CEP135: variants seen among roughly 807,000 people sequenced by gnomAD.
CEP135 encodes the protein centrosomal protein of 135 kDa.
In CEP135, 142 loss-of-function variants were observed where a neutral mutation model predicts 157.3. The ratio of observed to expected loss-of-function variants is 0.90; its 90% CI spans 0.79 to 1.04. The LOEUF (loss-of-function observed/expected upper bound fraction) is 1.04. Among genes scored for constraint, CEP135 ranks in the 50% least tolerant of loss-of-function variants. The pLI is 0.00. For missense variants in CEP135, 1,317 were observed against 1,309.2 expected, an observed-to-expected ratio of 1.01 and a Z score of -0.09; for synonymous variants, 396 against 439.8, an observed-to-expected ratio of 0.90 and a Z score of 1.25.
chr4:56,013,451 A>G (rs977846281), intron 21 of CEP135, among the ~76,000 whole-genome samples: 1 of 152,076 alleles, frequency 6.6e-6, no homozygotes, highest in Non-Finnish European at 1.5e-5. Flanking sequence ...TGTTAACTGC[A>G]ATGTCATAAA....
chr4:55,959,942 A>G lies in CEP135; in HGVS notation c.699+176A>G. The G allele has an allele frequency of 7.9e-6, 5 of 632,740 alleles. No individual in the cohort carries two copies. The East Asian group carries it at 1.4e-4, about 17-fold the overall frequency. The allele number at this position is 632,740 out of a possible 1,614,324, so 39.2% of individuals were successfully genotyped here. A position where few individuals can be genotyped will look rare whatever the true frequency, so the allele number is the denominator to read the frequency against. ...ATGGCTTAGGTGGCTTTACTTACTT[A>G]GCCTGTCTCTTCAAAAAATTTAAAA... On this transcript the variant is annotated intron_variant, in intron 6 of 25. Coordinates refer to ENST00000257287, the MANE Select transcript of CEP135 (RefSeq NM_025009.5).
rs1198436026 is a variant in CEP135 at position 55,953,270 on chromosome 4, TTAAAGG to T, written c.303_304+4del. 3.3e-6 allele frequency: 5 copies of T among 1,512,668 alleles called. No individual in the cohort carries two copies. The highest frequency in any genetic ancestry group is 4.4e-6 in the Non-Finnish European group (5 of 1,133,132). The allele number at this position is 1,512,668 out of a possible 1,614,324, so 93.7% of individuals were successfully genotyped here. A position where few individuals can be genotyped will look rare whatever the true frequency, so the allele number is the denominator to read the frequency against. ...CTGAGAGAACATTCAGACCAACACGTTAAAGGTAAGTGAAAATTTGATAATTTTTAA... is the reference window on the plus strand; with the variant it reads ...CTGAGAGAACATTCAGACCAACACGTTAAGTGAAAATTTGATAATTTTTAA... On this transcript the variant is annotated splice_donor_variant and coding_sequence_variant, in exon 3 of 26. Coordinates refer to ENST00000257287, the MANE Select transcript of CEP135 (RefSeq NM_025009.5). LOFTEE classifies it high-confidence loss of function.
At chr4:55,996,080 TCC>T (rs1729960257) in intron 15 of CEP135, among the ~76,000 whole-genome samples, 1 of 152,190 alleles carries the variant, frequency 6.6e-6, no homozygotes, top group Admixed American at 6.5e-5. Flanking sequence ...GTAACTAGTC[TCC>T]CATGAGAAGT....
intron 13 of CEP135, among the ~76,000 whole-genome samples, chr4:55,984,852 G>A (rs1441131669): frequency 6.6e-6 from 1 of 152,122 alleles, no homozygotes; most frequent in Non-Finnish European, 1.5e-5. Flanking sequence ...CTCTTGCATG[G>A]CCTTGTAGTA....
chr4:55,957,597 A>T (rs1728548044), intron 5 of CEP135, among the ~76,000 whole-genome samples: 1 of 152,220 alleles, frequency 6.6e-6, no homozygotes, highest in Non-Finnish European at 1.5e-5. Flanking sequence ...CTGGCTTAAA[A>T]ATTATTGCCA....
At chr4:56,008,503 A>G in intron 18 of CEP135, 121 bp downstream of exon 18, 1 of 744,298 alleles carries the variant, frequency 1.3e-6, no homozygotes, top group Non-Finnish European at 2.2e-6. Context: ...ATTTTTGTCA[A>G]TGGTAGCATC....
Position 56,008,353 on chromosome 4 carries a change from A to C in CEP135, c.2307A>C (p.Ile769=), listed in dbSNP as rs1298635402. ...NKEKAVAQMK[I]MISECESSVN... ...AAAAAGCTGTTGCTCAAATGAAGAT[A>C]ATGATCTCAGAGTGTGAATCATCTG... The change falls in exon 18 of 26, where the codon ATA becomes ATC. Residue 769 remains isoleucine (I), a synonymous_variant. Coordinates refer to ENST00000257287, the MANE Select transcript of CEP135 (RefSeq NM_025009.5). 1.2e-6 allele frequency: 2 copies of C among 1,610,320 alleles called. No homozygotes were observed. The highest frequency in any genetic ancestry group is 1.7e-6 in the Non-Finnish European group (2 of 1,178,556).
At position 55,971,206 on chromosome 4, in the gene CEP135, T is replaced by C. The variant is rs1249240205; in HGVS notation, c.1111-64T>C. Reference sequence around the variant, plus strand: ...ATATAAATGTGCTTATAAAAATCTATCTTAAGTGCGATAATATTTTATAAA... The same window carrying C: ...ATATAAATGTGCTTATAAAAATCTACCTTAAGTGCGATAATATTTTATAAA... On this transcript the variant is annotated intron_variant, in intron 9 of 25. Coordinates refer to ENST00000257287, the MANE Select transcript of CEP135 (RefSeq NM_025009.5). The C allele has an allele frequency of 5.6e-5, 68 of 1,219,604 alleles. No individual in the cohort carries two copies. The South Asian group carries it at 1.0e-3, about 19-fold the overall frequency. The allele number at this position is 1,219,604 out of a possible 1,614,324, so 75.5% of individuals were successfully genotyped here. A position where few individuals can be genotyped will look rare whatever the true frequency, so the allele number is the denominator to read the frequency against.
intron 7 of CEP135, chr4:55,965,287 C>G (rs1445528671): frequency 5.9e-6 from 1 of 168,456 alleles, no homozygotes; most frequent in Non-Finnish European, 1.3e-5. Flanking sequence ...TCAGTTTACA[C>G]TAGCCACATT....
In CEP135 at chr4:55,991,828, A is replaced by G. The variant is rs888081120; in HGVS notation, c.1858-106A>G. On this transcript the variant is annotated intron_variant, in intron 14 of 25. Coordinates refer to ENST00000257287, the MANE Select transcript of CEP135 (RefSeq NM_025009.5). ...ACTTATAAAGTTTTTTTAAAAATAA[A>G]TCTATTTTCTTAGTTTTCTTCCGGA... 6.1e-6 allele frequency: 4 copies of G among 660,230 alleles called. No individual in the cohort carries two copies. The South Asian group carries it at 1.2e-4, about 20-fold the overall frequency. 40.9% of individuals were successfully genotyped at this position (660,230 alleles called of 1,614,324 possible).
At chr4:56,006,683 C>G (rs578237327) in intron 17 of CEP135, among the ~76,000 whole-genome samples, 14 of 152,324 alleles carry the variant, frequency 9.2e-5, no homozygotes, top group Admixed American at 7.8e-4. Flanking sequence ...TTGGAGATCA[C>G]TGAATTTCCT....
chr4:55,985,996 T>G (rs1729569010), intron 14 of CEP135, among the ~76,000 whole-genome samples: 1 of 152,144 alleles, frequency 6.6e-6, no homozygotes, highest in South Asian at 2.1e-4. Flanking sequence ...GTTAGGAGTG[T>G]GTACTCTGAA....
chr4:56,011,632 T>C, intron 20 of CEP135, 110 bp downstream of exon 20: 1 of 962,776 alleles, frequency 1.0e-6, no homozygotes, highest in Non-Finnish European at 1.6e-6. Context: ...AGATCTTGTC[T>C]ACTGCCTTTT....
intron 5 of CEP135, among the ~76,000 whole-genome samples, chr4:55,957,668 T>A (rs547266916): frequency 6.6e-6 from 1 of 152,358 alleles, no homozygotes; most frequent in African/African-American, 2.4e-5. Flanking sequence ...ATAAGAGGTA[T>A]CTTTTGCAAG....
At chr4:56,024,018 C>T (rs1221021613) in intron 24 of CEP135, among the ~76,000 whole-genome samples, 1 of 139,774 alleles carries the variant, frequency 7.2e-6, no homozygotes, top group East Asian at 2.1e-4. Flanking sequence ...ATGTATTTTA[C>T]ATATTATATG....
intron 17 of CEP135, among the ~76,000 whole-genome samples, chr4:56,000,997 A>C (rs560312476): frequency 6.6e-6 from 1 of 152,218 alleles, no homozygotes; most frequent in Non-Finnish European, 1.5e-5. Context: ...CATTTCTCTG[A>C]TAATTAGTCA....
At chr4:55,986,333 A>C (rs960286837) in intron 14 of CEP135, among the ~76,000 whole-genome samples, 1 of 152,154 alleles carries the variant, frequency 6.6e-6, no homozygotes, top group African/African-American at 2.4e-5. Flanking sequence ...GTTGAGCCCA[A>C]GATTTTGAGA....
At chr4:55,990,153 A>T (rs1268315050) in intron 14 of CEP135, among the ~76,000 whole-genome samples, 1 of 152,122 alleles carries the variant, frequency 6.6e-6, no homozygotes, top group Non-Finnish European at 1.5e-5. Flanking sequence ...CATTGAACCT[A>T]TTGCTAATTT....
chr4:55,988,584 C>G (rs1377732442), intron 14 of CEP135, among the ~76,000 whole-genome samples: 2 of 147,080 alleles, frequency 1.4e-5, no homozygotes, highest in South Asian at 4.3e-4. Flanking sequence ...CACTTGAACC[C>G]AGGAGGTAGA....
Sources: gnomAD v4.1 joint callset for allele counts (sites outside exome capture counted in the v4.1 genomes callset) on GRCh38, gnomAD v4.1.1 for gene constraint, MANE v1.5 for transcripts, NCBI Gene and HGNC (gene_info 2026-07-23, HGNC 2026-07-21) for gene names.